GRM5: variants seen among roughly 807,000 people sequenced by gnomAD.
GRM5 encodes the protein metabotropic glutamate receptor 5.
GRM5 carries 19 observed loss-of-function variants against 83.1 expected under a neutral mutation model. The observed-to-expected ratio is 0.23, with a 90% CI of 0.16 to 0.34. The LOEUF (loss-of-function observed/expected upper bound fraction) is 0.34. GRM5 is among the 10% of genes least tolerant of loss of function. GRM5 has a pLI of 1.00. For synonymous variants in GRM5, 675 were observed against 633.6 expected (o/e 1.07, Z -0.98); for missense variants, 1,160 against 1,588.3 (o/e 0.73, Z 4.58).
chr11:88,589,071 T>C (rs1230864167), intron 7 of GRM5, among the ~76,000 whole-genome samples: 2 of 152,170 alleles, frequency 1.3e-5, no homozygotes, highest in African/African-American at 4.8e-5. Flanking sequence ...TGCTTAGCCA[T>C]GCAAGTTAGT....
At chr11:88,981,194 C>G (rs1490331957) in intron 2 of GRM5, among the ~76,000 whole-genome samples, 1 of 152,120 alleles carries the variant, frequency 6.6e-6, no homozygotes, top group Non-Finnish European at 1.5e-5. Flanking sequence ...CGTGTTTGTT[C>G]TATGCCATAC....
rs568386909 is a variant in GRM5 at position 88,863,222 on chromosome 11, A to G, written c.662-13067T>C. Reference sequence around the variant, plus strand: ...GTATGGCAATTCCTCAAAGGTCTAGAGTCGAAATGTCATTTGACCCAGCAA... The same window carrying G: ...GTATGGCAATTCCTCAAAGGTCTAGGGTCGAAATGTCATTTGACCCAGCAA... On this transcript the variant is annotated intron_variant, in intron 2 of 9. Transcript: ENST00000305447. Among the ~76,000 whole-genome samples, 146 of 152,298 alleles carry G rather than the reference A, an allele frequency of 9.6e-4. No homozygotes were observed. The Middle Eastern group carries it at 0.017, about 18-fold the overall frequency.
intron 2 of GRM5, among the ~76,000 whole-genome samples, chr11:88,993,918 A>G (rs1259300727): frequency 6.6e-6 from 1 of 151,980 alleles, no homozygotes; most frequent in Admixed American, 6.6e-5. Flanking sequence ...TTACCTCCAT[A>G]TGTTGCCCAG....
chr11:88,784,357 C>T (rs930449970), intron 3 of GRM5, among the ~76,000 whole-genome samples: 1 of 151,992 alleles, frequency 6.6e-6, no homozygotes, highest in Non-Finnish European at 1.5e-5. Flanking sequence ...CACTTATGTG[C>T]CCACCATAGG....
chr11:88,533,586 C>T (rs1200055811), intron 8 of GRM5, among the ~76,000 whole-genome samples: 1 of 152,154 alleles, frequency 6.6e-6, no homozygotes, highest in Non-Finnish European at 1.5e-5. Flanking sequence ...TCTATGAAGG[C>T]ATGGGTTCTG....
chr11:88,690,405 A>G (rs1940752541), intron 3 of GRM5, among the ~76,000 whole-genome samples: 1 of 152,196 alleles, frequency 6.6e-6, no homozygotes. Context: ...AAAAGGTAAT[A>G]TCATGAAATA....
rs139753781 is a variant in GRM5, at chr11:88,735,774, C to T, written c.912-82371G>A. 2.9e-3 allele frequency among the ~76,000 whole-genome samples: 440 copies of T among 152,160 alleles called. 1 individual carries two copies. The highest frequency in any genetic ancestry group is 0.01 in the African/African-American group (416 of 41,534). On this transcript the variant is annotated intron_variant, in intron 3 of 9. Transcript: ENST00000305447. Reference sequence around the variant, plus strand: ...GAAGTCACCATGTCAAAATGTCAGACCGTTCGGGAGACATTGACTGCGTTA... The same window carrying T: ...GAAGTCACCATGTCAAAATGTCAGATCGTTCGGGAGACATTGACTGCGTTA...
At chr11:88,813,646 A>C (rs1943622713) in intron 3 of GRM5, among the ~76,000 whole-genome samples, 1 of 152,202 alleles carries the variant, frequency 6.6e-6, no homozygotes, top group Non-Finnish European at 1.5e-5. Flanking sequence ...AAAGTGAAAC[A>C]GTTTCATGAG....
intron 3 of GRM5, among the ~76,000 whole-genome samples, chr11:88,753,109 T>A (rs755014156): frequency 6.6e-6 from 1 of 152,030 alleles, no homozygotes; most frequent in Non-Finnish European, 1.5e-5. Flanking sequence ...TGACAAATAG[T>A]ATTTAATTAA....
intron 8 of GRM5, among the ~76,000 whole-genome samples, chr11:88,539,675 T>G (rs1487889959): frequency 6.6e-6 from 1 of 152,198 alleles, no homozygotes; most frequent in Non-Finnish European, 1.5e-5. Context: ...ATTAATTCTT[T>G]TAAGTTAATG....
chr11:88,603,638 G>A (rs755529), intron 5 of GRM5, among the ~76,000 whole-genome samples: 105,288 of 150,756 alleles, frequency 0.7, 39,882 homozygotes, highest in Non-Finnish European at 0.86. Flanking sequence ...TGGAATAGAA[G>A]AAAAAAAACC....
chr11:88,887,521 C>T (rs541921170), intron 2 of GRM5, among the ~76,000 whole-genome samples: 1 of 152,212 alleles, frequency 6.6e-6, no homozygotes, highest in African/African-American at 2.4e-5. Flanking sequence ...GTGAGTGTGA[C>T]AAACCCCAAT....
At chr11:88,959,330 T>C (rs1343935321) in intron 2 of GRM5, among the ~76,000 whole-genome samples, 3 of 147,046 alleles carry the variant, frequency 2.0e-5, no homozygotes, top group Non-Finnish European at 2.9e-5. Context: ...TACCAGTGGC[T>C]CCATCAGAGA....
Position 88,604,922 on chromosome 11 carries a change from A to T in GRM5, c.1190T>A (p.Met397Lys). Residue 397 changes from methionine to lysine, a missense_variant, in exon 5 of 10, where the codon ATG becomes AAG. Coordinates refer to ENST00000305447, the MANE Select transcript of GRM5 (RefSeq NM_001143831.3). ...ATAGATGGCGTTGATCACAAATCCC[A>T]TTTTGGAATCCTGAACATGATGTGT... ...LKTHHVQDSK[M>K]GFVINAIYSM... is the part of the protein sequence containing the mutation. The T allele has an allele frequency of 6.2e-7, 1 of 1,613,000 alleles. No individual in the cohort carries two copies. The highest frequency in any genetic ancestry group is 8.5e-7 in the Non-Finnish European group (1 of 1,178,982).
In GRM5 at chr11:88,870,684, A is replaced by G. The variant is rs557052473; in HGVS notation, c.662-20529T>C. On this transcript the variant is annotated intron_variant, in intron 2 of 9. Coordinates refer to ENST00000305447, the MANE Select transcript of GRM5 (RefSeq NM_001143831.3). Reference sequence around the variant, plus strand: ...GGGAATCTTGTGTTCCATTGTGGACACATGGATTACCACAAGGAATCTACA... The same window carrying G: ...GGGAATCTTGTGTTCCATTGTGGACGCATGGATTACCACAAGGAATCTACA... Among the ~76,000 whole-genome samples the G allele has an allele frequency of 5.9e-5, 9 of 151,694 alleles. 1 individual carries two copies. Among genetic ancestry groups the G allele is most frequent in the South Asian group, 2.1e-4 (1 of 4,830 alleles).
intron 2 of GRM5, among the ~76,000 whole-genome samples, chr11:88,992,315 A>T (rs1940005546): frequency 2.0e-5 from 3 of 152,002 alleles, no homozygotes; most frequent in Admixed American, 2.0e-4. Context: ...AACCACAATG[A>T]GATACCATCT....
chr11:88,911,424 T>A (rs1945496443), intron 2 of GRM5, among the ~76,000 whole-genome samples: 1 of 152,144 alleles, frequency 6.6e-6, no homozygotes, highest in African/African-American at 2.4e-5. Flanking sequence ...TAAACAAATT[T>A]AACAAATTAA....
intron 3 of GRM5, among the ~76,000 whole-genome samples, chr11:88,693,294 C>A (rs886988466): frequency 6.6e-6 from 1 of 151,974 alleles, no homozygotes; most frequent in African/African-American, 2.4e-5. Context: ...GTACAATTTT[C>A]CACTAATATA....
At chr11:88,970,625 C>G (rs933796071) in intron 2 of GRM5, among the ~76,000 whole-genome samples, 2 of 152,174 alleles carry the variant, frequency 1.3e-5, no homozygotes, top group African/African-American at 4.8e-5. Flanking sequence ...GGTAGGCATG[C>G]CCAGTGGGGA....
Sources: allele counts gnomAD v4.1 joint callset (sites outside exome capture counted in the v4.1 genomes callset), GRCh38; gene constraint gnomAD v4.1.1; transcripts MANE v1.5; gene names NCBI Gene and HGNC (gene_info 2026-07-23, HGNC 2026-07-21).